The following PCDH15 variants were observed in gnomAD, a reference collection of about 807,000 sequenced individuals.
PCDH15 encodes the protein protocadherin related 15.
In PCDH15, 129 loss-of-function variants were observed where a neutral mutation model predicts 178.5. The ratio of observed to expected loss-of-function variants is 0.72; its 90% CI spans 0.63 to 0.84. The LOEUF (loss-of-function observed/expected upper bound fraction) is 0.84, where lower values mean the gene tolerates loss of function less well. Ranked by LOEUF, PCDH15 falls within the 40% of genes least tolerant of loss-of-function variation. The pLI, the probability that PCDH15 is intolerant of heterozygous loss-of-function variation, is 0.00. For missense variants in PCDH15, 2,230 were observed against 2,099.9 expected (o/e 1.06, Z -1.21); for synonymous variants, 800 against 732.0 (o/e 1.09, Z -1.50).
At chr10:53,867,172 T>C (rs1032856267) in intron 26 of PCDH15, among the ~76,000 whole-genome samples, 10 of 152,136 alleles carry the variant, frequency 6.6e-5, no homozygotes, top group Non-Finnish European at 1.3e-4. Flanking sequence ...TCCAGTATCT[T>C]GTATTCTACA....
At chr10:55,004,002 G>C (rs953093730) in intron 2 of PCDH15, among the ~76,000 whole-genome samples, 15 of 152,212 alleles carry the variant, frequency 9.9e-5, no homozygotes, top group Admixed American at 6.5e-5. Flanking sequence ...TTCCCTGTGA[G>C]AGGTTCCAAT....
At chr10:54,123,609 T>C (rs987334070) in intron 15 of PCDH15, among the ~76,000 whole-genome samples, 1 of 152,002 alleles carries the variant, frequency 6.6e-6, no homozygotes, top group African/African-American at 2.4e-5. Context: ...GGAAATCAGT[T>C]TGGAGATTTC....
chr10:54,659,753 CAA>C (rs35761213), intron 2 of PCDH15, among the ~76,000 whole-genome samples: 3 of 111,500 alleles, frequency 2.7e-5, no homozygotes, highest in Non-Finnish European at 2.1e-5. Context: ...GACCCTGTCT[CAA>C]AAAAAAAAAA....
Position 54,482,835 on chromosome 10 carries a change from T to A in PCDH15, c.157+44977A>T, listed in dbSNP as rs555671110. Among the ~76,000 whole-genome samples, 3 of 151,884 alleles carry A rather than the reference T, an allele frequency of 2.0e-5. No homozygotes were observed. The East Asian group carries it at 5.8e-4, about 29-fold the overall frequency. On this transcript the variant is annotated intron_variant, in intron 3 of 37. Transcript: ENST00000644397. ...TAGTGAATAGAACAAAGTAGCCATTTGTAGCCCAGAATCAGAAATGTAGGA... is the reference window on the plus strand; with the variant it reads ...TAGTGAATAGAACAAAGTAGCCATTAGTAGCCCAGAATCAGAAATGTAGGA...
At chr10:55,376,948 T>TATAA (rs1211153875) in intron 2 of PCDH15, among the ~76,000 whole-genome samples, 2 of 151,948 alleles carry the variant, frequency 1.3e-5, no homozygotes, top group Non-Finnish European at 2.9e-5. Context: ...GGCTTAAAAT[T>TATAA]ATAACCCTAT....
chr10:54,290,193 T>C (rs2059305487), intron 8 of PCDH15, among the ~76,000 whole-genome samples: 1 of 152,152 alleles, frequency 6.6e-6, no homozygotes, highest in African/African-American at 2.4e-5. Flanking sequence ...TAACAGTGGG[T>C]CTCTCAGCAG....
chr10:53,905,241 T>A (rs767776776), intron 25 of PCDH15: 1 of 518,600 alleles, frequency 1.9e-6, no homozygotes, highest in Non-Finnish European at 3.9e-6. Context: ...TTCTAATGTG[T>A]CCTGCATTCT....
intron 8 of PCDH15, among the ~76,000 whole-genome samples, chr10:54,259,507 C>T (rs182516349): frequency 2.0e-5 from 3 of 152,126 alleles, no homozygotes; most frequent in African/African-American, 2.4e-5. Context: ...CAAAGTGACA[C>T]GGAGACTAAG....
At chr10:54,704,535 T>A (rs562717919) in intron 1 of PCDH15, among the ~76,000 whole-genome samples, 2 of 152,228 alleles carry the variant, frequency 1.3e-5, no homozygotes, top group African/African-American at 4.8e-5. Context: ...AGAGACACTT[T>A]CAGAAAGAAG....
intron 2 of PCDH15, among the ~76,000 whole-genome samples, chr10:55,432,113 A>ACACACACACC (rs1323678393): frequency 7.0e-6 from 1 of 142,696 alleles, no homozygotes; most frequent in Non-Finnish European, 1.5e-5. Context: ...ACACACACAC[A>ACACACACACC]CCACAAGTCT....
chr10:53,963,041 T>C (rs1370260572), intron 21 of PCDH15, among the ~76,000 whole-genome samples: 2 of 152,206 alleles, frequency 1.3e-5, no homozygotes, highest in African/African-American at 4.8e-5. Context: ...TATTTGGCAT[T>C]ATTCTGATGA....
At chr10:55,248,893 C>G (rs1841755181) in intron 1 of PCDH15, among the ~76,000 whole-genome samples, 1 of 152,034 alleles carries the variant, frequency 6.6e-6, no homozygotes, top group African/African-American at 2.4e-5. Context: ...TTAATGCAAC[C>G]CCATTCAAAA....
At chr10:55,610,460 A>C (rs1843343662) in intron 2 of PCDH15, among the ~76,000 whole-genome samples, 1 of 151,992 alleles carries the variant, frequency 6.6e-6, no homozygotes, top group Non-Finnish European at 1.5e-5. Flanking sequence ...TCTCACTTTA[A>C]CTTCCAATCT....
chr10:54,128,841 C>A (rs948579692), intron 15 of PCDH15, among the ~76,000 whole-genome samples: 6 of 152,090 alleles, frequency 3.9e-5, no homozygotes, highest in Non-Finnish European at 8.8e-5. Context: ...TCATAAGAGC[C>A]TTAAAATAAA....
intron 2 of PCDH15, among the ~76,000 whole-genome samples, chr10:54,943,284 G>A (rs1838108294): frequency 6.6e-6 from 1 of 151,864 alleles, no homozygotes; most frequent in Non-Finnish European, 1.5e-5. Context: ...GCCAATAATG[G>A]TGGGTCAAAT....
rs373666625 is a variant in PCDH15 at position 55,171,258 on chromosome 10, T to A, written c.-155-4607A>T. On this transcript the variant is annotated intron_variant, in intron 1 of 5. Transcript: ENST00000458638. Reference sequence around the variant, plus strand: ...ATATGGCCAATGCCAAGCTACTGATTCTTACAGCTCTTCTACTCTGTATAA... The same window carrying A: ...ATATGGCCAATGCCAAGCTACTGATACTTACAGCTCTTCTACTCTGTATAA... Among the ~76,000 whole-genome samples the A allele has an allele frequency of 1.6e-4, 25 of 152,340 alleles. No homozygotes were observed. In the East Asian group the frequency reaches 2.9e-3, roughly 18 times the overall value.
At chr10:55,343,890 T>C (rs1588936350) in intron 2 of PCDH15, among the ~76,000 whole-genome samples, 1 of 152,190 alleles carries the variant, frequency 6.6e-6, no homozygotes, top group Non-Finnish European at 1.5e-5. Flanking sequence ...AAAGCTTACA[T>C]GGTAAATTTT....
chr10:54,199,139 T>C (rs1318615548), intron 10 of PCDH15, among the ~76,000 whole-genome samples: 2 of 152,136 alleles, frequency 1.3e-5, no homozygotes, highest in African/African-American at 4.8e-5. Flanking sequence ...GCTCTGCCCA[T>C]TTTTACTCTA....
At chr10:55,588,213 A>G (rs1842766649) in intron 2 of PCDH15, among the ~76,000 whole-genome samples, 1 of 152,172 alleles carries the variant, frequency 6.6e-6, no homozygotes, top group South Asian at 2.1e-4. Context: ...TCTGGTAGAT[A>G]TTTATGGCAA....
Sources: gnomAD v4.1 joint callset for allele counts (sites outside exome capture counted in the v4.1 genomes callset) on GRCh38, gnomAD v4.1.1 for gene constraint, MANE v1.5 for transcripts, NCBI Gene and HGNC (gene_info 2026-07-23, HGNC 2026-07-21) for gene names.